The following FIG4 variants were observed in gnomAD, a reference collection of about 807,000 sequenced individuals.
FIG4 encodes the protein polyphosphoinositide phosphatase.
A neutral mutation model predicts 118.6 loss-of-function variants in FIG4; 112 were observed. That is an observed-to-expected ratio of 0.94 (90% CI 0.81 to 1.11). FIG4 has a LOEUF of 1.11. FIG4 is among the 50% of genes least tolerant of loss of function. FIG4 has a pLI of 0.00. For missense variants in FIG4, 969 were observed against 1,111.7 expected (o/e 0.87, Z 1.83); for synonymous variants, 369 against 381.2 (o/e 0.97, Z 0.37).
chr6:109,695,817 C>T (rs1774702104), intron 1 of FIG4, among the ~76,000 whole-genome samples: 2 of 152,196 alleles, frequency 1.3e-5, no homozygotes, highest in East Asian at 3.9e-4. Flanking sequence ...GAAGGCTCTG[C>T]TCTTGTCTGC....
chr6:109,774,542 T>G lies in FIG4; in HGVS notation c.1751-2380T>G, dbSNP rs9481004. ...TCTATCTATATATATTATATAGATA[T>G]ATATTTGCCAAATTGCCTTTCAGAA... On this transcript the variant is annotated intron_variant, in intron 15 of 22. Coordinates refer to ENST00000230124, the MANE Select transcript of FIG4 (RefSeq NM_014845.6). Among the ~76,000 whole-genome samples, 1,297 of 152,144 alleles carry G rather than the reference T, an allele frequency of 8.5e-3. 17 individuals are homozygous for G. Among genetic ancestry groups the G allele is most frequent in the African/African-American group, 0.029 (1,196 of 41,518 alleles).
chr6:109,814,305 A>T (rs1562698464), intron 22 of FIG4, among the ~76,000 whole-genome samples: 1 of 117,648 alleles, frequency 8.5e-6, no homozygotes. Flanking sequence ...CACCCAGCTA[A>T]TTTTTTAATT....
At chr6:109,733,854 G>T (rs949515670) in intron 5 of FIG4, among the ~76,000 whole-genome samples, 1 of 151,750 alleles carries the variant, frequency 6.6e-6, no homozygotes, top group African/African-American at 2.4e-5. Flanking sequence ...TCTCAGTTTT[G>T]TCTGTATTTT....
At chr6:109,782,926 AC>A (rs1382588146) in intron 16 of FIG4, among the ~76,000 whole-genome samples, 1 of 152,194 alleles carries the variant, frequency 6.6e-6, no homozygotes, top group Non-Finnish European at 1.5e-5. Context: ...CACTTACATC[AC>A]TTGTTGATGT....
chr6:109,764,454 A>G (rs1418348112), intron 13 of FIG4, among the ~76,000 whole-genome samples: 1 of 152,042 alleles, frequency 6.6e-6, no homozygotes, highest in Non-Finnish European at 1.5e-5. Context: ...AAAAAAAAAA[A>G]AAAGAAAAAT....
At chr6:109,789,932 G>A (rs1033956045) in intron 19 of FIG4, among the ~76,000 whole-genome samples, 1 of 152,096 alleles carries the variant, frequency 6.6e-6, no homozygotes, top group Non-Finnish European at 1.5e-5. Context: ...AAATAACTCA[G>A]CATTCTCTGT....
At chr6:109,803,854 T>TTCAATTCC (rs537477359) in intron 22 of FIG4, among the ~76,000 whole-genome samples, 166 of 147,702 alleles carry the variant, frequency 1.1e-3, no homozygotes, top group African/African-American at 4.1e-3. Context: ...CACCTATGAG[T>TTCAATTCC]GAGAACATGC....
At chr6:109,806,082 A>G (rs908542860) in intron 22 of FIG4, among the ~76,000 whole-genome samples, 7 of 152,152 alleles carry the variant, frequency 4.6e-5, no homozygotes, top group African/African-American at 1.7e-4. Context: ...TGTTTTGCAC[A>G]TGCTTATCTG....
At chr6:109,791,681 C>A in intron 20 of FIG4, 110 bp downstream of exon 20, 1 of 918,928 alleles carries the variant, frequency 1.1e-6, no homozygotes. Context: ...CATTATCTCA[C>A]TGTTGTGTTT....
At chr6:109,736,589 A>G (rs1776165824) in intron 6 of FIG4, among the ~76,000 whole-genome samples, 1 of 152,150 alleles carries the variant, frequency 6.6e-6, no homozygotes, top group East Asian at 1.9e-4. Flanking sequence ...AAGTATCACT[A>G]AATTTGCCCC....
chr6:109,729,074 T>C (rs1775904822), intron 4 of FIG4, among the ~76,000 whole-genome samples: 1 of 152,166 alleles, frequency 6.6e-6, no homozygotes, highest in African/African-American at 2.4e-5. Flanking sequence ...TCCAATAGTG[T>C]ATCTAAGCAA....
chr6:109,822,621 T>C (rs2128402161), intron 22 of FIG4, among the ~76,000 whole-genome samples: 1 of 151,840 alleles, frequency 6.6e-6, no homozygotes, highest in East Asian at 1.9e-4. Context: ...GGGGTTACAG[T>C]ATGTTATCTA....
chr6:109,786,381 G>A lies in FIG4; in HGVS notation c.2028G>A (p.Glu676=), dbSNP rs1167748399. ...KYEEEIDIHN[E]FFRPYELSSF... ...AAGAAGAGATTGATATCCACAATGA[G>A]TTCTTTCGGCCATATGAGTTGAGCA... The change falls in exon 18 of 23, where the codon GAG becomes GAA. Residue 676 remains glutamate (E), a synonymous_variant. Coordinates refer to ENST00000230124, the MANE Select transcript of FIG4 (RefSeq NM_014845.6). The A allele has an allele frequency of 1.2e-6, 2 of 1,613,832 alleles. No homozygotes were observed. Among genetic ancestry groups the A allele is most frequent in the African/African-American group, 2.7e-5 (2 of 74,916 alleles).
At chr6:109,753,718 G>A (rs1372151834) in intron 10 of FIG4, among the ~76,000 whole-genome samples, 1 of 152,032 alleles carries the variant, frequency 6.6e-6, no homozygotes, top group Non-Finnish European at 1.5e-5. Flanking sequence ...GTGAATGGGA[G>A]TTCACTCATG....
intron 16 of FIG4, among the ~76,000 whole-genome samples, chr6:109,782,383 C>G (rs879338376): frequency 2.0e-5 from 3 of 152,084 alleles, no homozygotes; most frequent in Non-Finnish European, 2.9e-5. Flanking sequence ...GAGACTCACC[C>G]AAAAGACTTG....
chr6:109,802,806 G>C (rs999623995), intron 22 of FIG4, among the ~76,000 whole-genome samples: 2 of 152,196 alleles, frequency 1.3e-5, no homozygotes, highest in African/African-American at 2.4e-5. Flanking sequence ...TGGAAAATAG[G>C]CTTCCATTAT....
At chr6:109,746,355 T>C (rs1316620542) in intron 10 of FIG4, among the ~76,000 whole-genome samples, 1 of 152,114 alleles carries the variant, frequency 6.6e-6, no homozygotes, top group African/African-American at 2.4e-5. Context: ...GGCAACAATA[T>C]AAGGTAAATG....
intron 22 of FIG4, among the ~76,000 whole-genome samples, chr6:109,822,504 G>A (rs1449479459): frequency 6.6e-6 from 1 of 151,852 alleles, no homozygotes; most frequent in African/African-American, 2.4e-5. Flanking sequence ...CCTTGTAGCA[G>A]CCTCTAAATC....
chr6:109,722,408 A>G (rs180698114), intron 3 of FIG4, among the ~76,000 whole-genome samples: 8 of 152,014 alleles, frequency 5.3e-5, no homozygotes, highest in Admixed American at 2.6e-4. Context: ...TTCTTTTTTC[A>G]TCAGCTGAGA....
Sources: gnomAD v4.1 joint callset for allele counts (sites outside exome capture counted in the v4.1 genomes callset) on GRCh38, gnomAD v4.1.1 for gene constraint, MANE v1.5 for transcripts, NCBI Gene and HGNC (gene_info 2026-07-23, HGNC 2026-07-21) for gene names.